The following AFG3L2 variants were observed in gnomAD, a reference collection of about 807,000 sequenced individuals.
The protein encoded by AFG3L2 is AFG3 like matrix AAA peptidase subunit 2.
In AFG3L2, 54 loss-of-function variants were observed where a neutral mutation model predicts 94.5. The ratio of observed to expected loss-of-function variants is 0.57; its 90% CI spans 0.46 to 0.72. The LOEUF is 0.72. AFG3L2 is among the 30% of genes least tolerant of loss of function. AFG3L2 has a pLI of 0.00. For synonymous variants in AFG3L2, 377 were observed against 365.5 expected (o/e 1.03, Z -0.36); for missense variants, 754 against 994.9 (o/e 0.76, Z 3.26).
chr18:12,351,497 C>G (rs1908315770), intron 10 of AFG3L2, 84 bp from the exon 11 acceptor site: 26 of 1,113,578 alleles, frequency 2.3e-5, no homozygotes, highest in Non-Finnish European at 3.5e-5. Flanking sequence ...ATGAGCACTG[C>G]AAATTCATAG....
At position 12,344,130 on chromosome 18, in the gene AFG3L2, A is replaced by G; in HGVS notation, c.1779+2T>C. ...CTGCCTAGTGCAGCTACCCTGCTTC[A>G]CCTTTAAAAGCGGGTCTGCGTGCTC... On this transcript the variant is annotated splice_donor_variant, in intron 14 of 16. Coordinates refer to ENST00000269143, the MANE Select transcript of AFG3L2 (RefSeq NM_006796.3). LOFTEE classifies it high-confidence loss of function. 1 of 1,612,692 alleles carries G rather than the reference A, an allele frequency of 6.2e-7. No homozygotes were observed. The highest frequency in any genetic ancestry group is 1.1e-5 in the South Asian group (1 of 91,010).
chr18:12,348,781 A>G (rs1908223823), intron 12 of AFG3L2, among the ~76,000 whole-genome samples: 1 of 152,238 alleles, frequency 6.6e-6, no homozygotes, highest in African/African-American at 2.4e-5. Context: ...ATGATGAAAA[A>G]TCTAATTTTT....
chr18:12,333,376 T>C (rs915350281), intron 16 of AFG3L2, among the ~76,000 whole-genome samples: 11 of 141,170 alleles, frequency 7.8e-5, no homozygotes, highest in East Asian at 5.9e-4. Flanking sequence ...TTTTTCCCCC[T>C]GAAACAGGGT....
rs189627313 is a variant in AFG3L2 at position 12,376,633 on chromosome 18, G to A, written c.114+336C>T. On this transcript the variant is annotated intron_variant, in intron 1 of 16. Coordinates refer to ENST00000269143, the MANE Select transcript of AFG3L2 (RefSeq NM_006796.3). ...CTCGTGCTGCTGACTCAAAATTACA[G>A]ACGCCTTCGTTCCGTGCTCCGGGGA... is the stretch of plus-strand genomic sequence containing the variant. 3.0e-3 allele frequency among the ~76,000 whole-genome samples: 464 copies of A among 152,352 alleles called. 1 individual carries two copies. Among genetic ancestry groups the A allele is most frequent in the Non-Finnish European group, 4.6e-3 (314 of 68,036 alleles).
Position 12,329,637 on chromosome 18 carries a change from T to C in AFG3L2, c.2322A>G (p.Glu774=), listed in dbSNP as rs758798297. The C allele has an allele frequency of 3.1e-6, 5 of 1,614,072 alleles. No homozygotes were observed. The highest frequency in any genetic ancestry group is 4.2e-6 in the Non-Finnish European group (5 of 1,180,050). Residue 774 remains glutamate, a synonymous_variant, in exon 17 of 17, where the codon GAA becomes GAG. Coordinates refer to ENST00000269143, the MANE Select transcript of AFG3L2 (RefSeq NM_006796.3). Reference sequence around the variant, plus strand: ...GCTCCTTGTTCCAGTCCTTAAGGCCTTCTGGAAGTGAGGTGTCCTCATCCA... The same window carrying C: ...GCTCCTTGTTCCAGTCCTTAAGGCCCTCTGGAAGTGAGGTGTCCTCATCCA... ...GSLDEDTSLP[E]GLKDWNKERE...
chr18:12,359,869 C>G (rs1908605487), intron 7 of AFG3L2, 58 bp downstream of exon 7: 1 of 1,605,650 alleles, frequency 6.2e-7, no homozygotes, highest in South Asian at 1.1e-5. Flanking sequence ...AGGGACAGAA[C>G]ACAGTGAACC....
rs535570927 is a variant in AFG3L2 at position 12,329,381 on chromosome 18, T to C, written c.*184A>G. 2.9e-6 allele frequency: 2 copies of C among 701,728 alleles called. No homozygotes were observed. The highest frequency in any genetic ancestry group is 4.3e-5 in the Admixed American group (2 of 46,546). The allele number at this position is 701,728 out of a possible 1,614,324, so 43.5% of individuals were successfully genotyped here. A position where few individuals can be genotyped will look rare whatever the true frequency, so the allele number is the denominator to read the frequency against. On this transcript the variant is annotated 3_prime_UTR_variant, in exon 17 of 17. Transcript: ENST00000269143. ...CATTTCCCTCAAGGCCTCCGGAAAG[T>C]CACCTGCCACCCACTGTGACCTCTG...
At position 12,351,158 on chromosome 18, in the gene AFG3L2, C is replaced by A; in HGVS notation, c.1479G>T (p.Pro493=). ...RASIFKVHLR[P]LKLDSTLEKD... ...TCTCCAGGGTACTGTCCAGTTTTAG[C>A]GGTCGGAGATGAACTTTGAAAATAG... The change falls in exon 12 of 17, where the codon CCG becomes CCT. Residue 493 remains proline (P), a synonymous_variant. Coordinates refer to ENST00000269143, the MANE Select transcript of AFG3L2 (RefSeq NM_006796.3). 1 of 1,614,028 alleles carries A rather than the reference C, an allele frequency of 6.2e-7. No individual in the cohort carries two copies. Among genetic ancestry groups the A allele is most frequent in the Non-Finnish European group, 8.5e-7 (1 of 1,179,992 alleles).
intron 1 of AFG3L2, among the ~76,000 whole-genome samples, chr18:12,374,069 G>A (rs929537101): frequency 1.3e-5 from 2 of 152,162 alleles, no homozygotes; most frequent in Non-Finnish European, 2.9e-5. Flanking sequence ...AATATTGACA[G>A]AAAAGCCCTT....
At chr18:12,360,582 C>T (rs1445682184) in intron 6 of AFG3L2, among the ~76,000 whole-genome samples, 4 of 152,202 alleles carry the variant, frequency 2.6e-5, no homozygotes, top group Non-Finnish European at 5.9e-5. Context: ...CCGCACCCCA[C>T]TGTGCAACTG....
In AFG3L2 at chr18:12,376,975, G is replaced by A. The variant is rs1358104896; in HGVS notation, c.108C>T (p.Leu36=). ...GCGCCCAGGTAGGACTCACCGTCCG[G>A]AGGCAGGGCTGCTCGCCCGGGCCCA... ...GGVGPGEQPC[L]RTLYRFVTTQ... is the part of the protein sequence containing the mutation. The change falls in exon 1 of 17, where the codon CTC becomes CTT. Residue 36 remains leucine, a synonymous_variant. Transcript: ENST00000269143. 1 of 1,459,404 alleles carries A rather than the reference G, an allele frequency of 6.9e-7. No individual in the cohort carries two copies. Among genetic ancestry groups the A allele is most frequent in the Admixed American group, 2.4e-5 (1 of 41,444 alleles). 90.4% of individuals were successfully genotyped at this position (1,459,404 alleles called of 1,614,324 possible).
intron 16 of AFG3L2, among the ~76,000 whole-genome samples, chr18:12,333,344 ATATATAAT>A (rs1907643299): frequency 7.6e-6 from 1 of 131,730 alleles, no homozygotes; most frequent in African/African-American, 2.9e-5. Context: ...TATATATATA[ATATATAAT>A]TATATATATA....
At chr18:12,354,657 C>CA (rs998641436) in intron 9 of AFG3L2, among the ~76,000 whole-genome samples, 1 of 152,192 alleles carries the variant, frequency 6.6e-6, no homozygotes, top group Non-Finnish European at 1.5e-5. Flanking sequence ...CCACCATCTT[C>CA]AAGTCATCTA....
chr18:12,332,958 C>CTA lies in AFG3L2; in HGVS notation c.2176-3177_2176-3176dup, dbSNP rs1568131893. Among the ~76,000 whole-genome samples the CTA allele has an allele frequency of 4.4e-3, 135 of 30,446 alleles. 4 individuals carry two copies. The highest frequency in any genetic ancestry group is 8.7e-3 in the East Asian group (22 of 2,534). The allele number at this position is 30,446 out of a possible 152,430, so 20.0% of individuals were successfully genotyped here. ...TATATAACATATAATATATTATATA[C>CTA]TATAATATATTATATATTATATAAA... On this transcript the variant is annotated intron_variant, in intron 16 of 16. Coordinates refer to ENST00000269143, the MANE Select transcript of AFG3L2 (RefSeq NM_006796.3).
In AFG3L2 at chr18:12,350,115, A is replaced by G. The variant is rs1007051971; in HGVS notation, c.1552+970T>C. ...CAACCTCACCTCCTGGGTTCAAGCCATTCTCCTGCCTCAGCCTCCCGAACA... is the reference window on the plus strand; with the variant it reads ...CAACCTCACCTCCTGGGTTCAAGCCGTTCTCCTGCCTCAGCCTCCCGAACA... On this transcript the variant is annotated intron_variant, in intron 12 of 16. Transcript: ENST00000269143. Among the ~76,000 whole-genome samples, 3 of 151,992 alleles carry G rather than the reference A, an allele frequency of 2.0e-5. 1 individual carries two copies. Among genetic ancestry groups the G allele is most frequent in the Middle Eastern group, 6.8e-3 (2 of 294 alleles).
intron 13 of AFG3L2, among the ~76,000 whole-genome samples, chr18:12,347,946 A>G (rs932023034): frequency 3.3e-5 from 5 of 152,182 alleles, no homozygotes; most frequent in African/African-American, 1.2e-4. Context: ...GAGCTTTTTA[A>G]CAAACTTGAT....
At chr18:12,331,808 A>AATATATATAT (rs35558132) in intron 16 of AFG3L2, among the ~76,000 whole-genome samples, 5 of 146,416 alleles carry the variant, frequency 3.4e-5, no homozygotes, top group African/African-American at 1.3e-4. Flanking sequence ...TAAATAAATA[A>AATATATATAT]ATATATATAT....
chr18:12,331,654 C>T (rs1460168685), intron 16 of AFG3L2, among the ~76,000 whole-genome samples: 2 of 151,924 alleles, frequency 1.3e-5, no homozygotes, highest in Non-Finnish European at 1.5e-5. Context: ...ATTAGCCTGG[C>T]GTTGTGGCAC....
chr18:12,359,792 A>C (rs1908603821), intron 7 of AFG3L2, 135 bp downstream of exon 7: 1 of 1,157,148 alleles, frequency 8.6e-7, no homozygotes, highest in African/African-American at 1.5e-5. Context: ...AGTTACTAAT[A>C]GTTTTTTAAA....
Sources: allele counts gnomAD v4.1 joint callset (sites outside exome capture counted in the v4.1 genomes callset), GRCh38; gene constraint gnomAD v4.1.1; transcripts MANE v1.5; gene names NCBI Gene and HGNC (gene_info 2026-07-23, HGNC 2026-07-21).